NTM: variants seen among roughly 807,000 people sequenced by gnomAD.
The protein encoded by NTM is IgLON family member 2.
In NTM, 13 loss-of-function variants were observed where a neutral mutation model predicts 42.1. The ratio of observed to expected loss-of-function variants is 0.31; its 90% CI spans 0.20 to 0.49. The LOEUF (loss-of-function observed/expected upper bound fraction) is 0.49. Among genes scored for constraint, NTM ranks in the 20% least tolerant of loss-of-function variants. The pLI is 0.99. For missense variants in NTM, 373 were observed against 452.8 expected (o/e 0.82, Z 1.60); for synonymous variants, 187 against 179.2 (o/e 1.04, Z -0.35).
intron 1 of NTM, among the ~76,000 whole-genome samples, chr11:131,407,364 G>C (rs982338189): frequency 2.0e-5 from 3 of 152,178 alleles, no homozygotes; most frequent in African/African-American, 7.2e-5. Context: ...TTGTCAGTTT[G>C]TATACAAGAG....
intron 1 of NTM, among the ~76,000 whole-genome samples, chr11:131,705,797 ATTT>A: frequency 6.6e-6 from 1 of 152,138 alleles, no homozygotes; most frequent in Admixed American, 6.5e-5. Flanking sequence ...ACTATAAGAT[ATTT>A]TATAGAAGCC....
intron 1 of NTM, among the ~76,000 whole-genome samples, chr11:131,900,851 C>A (rs2053055254): frequency 6.6e-6 from 1 of 152,206 alleles, no homozygotes; most frequent in African/African-American, 2.4e-5. Flanking sequence ...AATAACATTT[C>A]TTTCTCGTTC....
At chr11:131,754,755 T>A (rs2135737588) in intron 1 of NTM, among the ~76,000 whole-genome samples, 1 of 152,364 alleles carries the variant, frequency 6.6e-6, no homozygotes, top group East Asian at 1.9e-4. Context: ...AGCAGCTTTA[T>A]TTATATTAGC....
intron 1 of NTM, among the ~76,000 whole-genome samples, chr11:131,497,925 G>T (rs1217206068): frequency 6.6e-6 from 1 of 152,020 alleles, no homozygotes; most frequent in Non-Finnish European, 1.5e-5. Flanking sequence ...TCATACCCTT[G>T]CTCTCTTTAA....
intron 1 of NTM, among the ~76,000 whole-genome samples, chr11:131,529,696 AAG>A (rs2050975462): frequency 6.6e-6 from 1 of 152,212 alleles, no homozygotes; most frequent in South Asian, 2.1e-4. Context: ...GGAAGTGATT[AAG>A]AGAAAAATCA....
intron 1 of NTM, among the ~76,000 whole-genome samples, chr11:131,613,698 C>T (rs1446436062): frequency 6.6e-6 from 1 of 152,142 alleles, no homozygotes; most frequent in Admixed American, 6.5e-5. Context: ...TCCTTACCCA[C>T]TACTGAGAGG....
At chr11:131,691,351 G>A (rs2074675421) in intron 1 of NTM, among the ~76,000 whole-genome samples, 1 of 152,232 alleles carries the variant, frequency 6.6e-6, no homozygotes, top group Non-Finnish European at 1.5e-5. Flanking sequence ...GCGCTGCCCG[G>A]ATGATAAGGC....
rs1466684441 is a variant in NTM at position 132,134,745 on chromosome 11, A to C, written c.168-11537A>C. ...TATATATATATATATATATATATAT[A>C]TATATATATATATATCTCACATTTT... On this transcript the variant is annotated intron_variant, in intron 2 of 8. Transcript: ENST00000683400. Among the ~76,000 whole-genome samples the C allele has an allele frequency of 1.8e-4, 20 of 114,112 alleles. 3 individuals carry two copies. The highest frequency in any genetic ancestry group is 9.0e-4 in the South Asian group (3 of 3,328). The allele number at this position is 114,112 out of a possible 152,430, so 74.9% of individuals were successfully genotyped here. A position where few individuals can be genotyped will look rare whatever the true frequency, so the allele number is the denominator to read the frequency against.
intron 1 of NTM, among the ~76,000 whole-genome samples, chr11:131,802,253 G>A (rs1042451446): frequency 1.3e-5 from 2 of 152,148 alleles, no homozygotes; most frequent in Middle Eastern, 3.2e-3. Context: ...CTCCCATTTA[G>A]AATTAATTCA....
intron 1 of NTM, among the ~76,000 whole-genome samples, chr11:131,642,849 C>G (rs1347827163): frequency 1.3e-5 from 2 of 151,998 alleles, no homozygotes; most frequent in African/African-American, 4.8e-5. Context: ...TTCCTCAGTC[C>G]CCCTCTGCTA....
intron 1 of NTM, among the ~76,000 whole-genome samples, chr11:131,885,980 T>C (rs556941357): frequency 2.0e-5 from 3 of 152,246 alleles, no homozygotes; most frequent in Admixed American, 1.3e-4. Context: ...AGAAAGAAAG[T>C]GGATTAATAC....
At chr11:131,600,179 G>A (rs999443490) in intron 1 of NTM, among the ~76,000 whole-genome samples, 1 of 152,176 alleles carries the variant, frequency 6.6e-6, no homozygotes, top group Non-Finnish European at 1.5e-5. Flanking sequence ...GGGATCTGGG[G>A]TGAGGGTTGT....
chr11:132,045,249 C>A (rs1056658688), intron 2 of NTM, among the ~76,000 whole-genome samples: 1 of 151,992 alleles, frequency 6.6e-6, no homozygotes, highest in African/African-American at 2.4e-5. Context: ...TAAGTGCTGG[C>A]AGTTCTGGGA....
intron 2 of NTM, among the ~76,000 whole-genome samples, chr11:131,991,827 A>G (rs113013987): frequency 2.0e-5 from 3 of 152,328 alleles, no homozygotes; most frequent in African/African-American, 7.2e-5. Context: ...AGGTCCAGGC[A>G]TGCAGGACAA....
chr11:131,816,703 G>A (rs1182674127), intron 1 of NTM, among the ~76,000 whole-genome samples: 2 of 152,068 alleles, frequency 1.3e-5, no homozygotes, highest in Non-Finnish European at 2.9e-5. Context: ...TACCAAATTT[G>A]AGGTTTTAGA....
At chr11:132,313,063 CCT>C (rs1346560636) in intron 6 of NTM, among the ~76,000 whole-genome samples, 2 of 152,140 alleles carry the variant, frequency 1.3e-5, no homozygotes, top group Non-Finnish European at 1.5e-5. Context: ...CCAGAACCTG[CCT>C]CTCTTTTCTG....
intron 2 of NTM, among the ~76,000 whole-genome samples, chr11:132,098,470 A>G (rs745785824): frequency 6.6e-6 from 1 of 152,230 alleles, no homozygotes; most frequent in Non-Finnish European, 1.5e-5. Flanking sequence ...ACCTCTGTGC[A>G]TGCTTCATGG....
Position 131,789,509 on chromosome 11 carries a change from G to GA in NTM, c.83-122053dup, listed in dbSNP as rs1303440835. Among the ~76,000 whole-genome samples, 10 of 13,406 alleles carry GA rather than the reference G, an allele frequency of 7.5e-4. 4 individuals are homozygous for GA. Among genetic ancestry groups the GA allele is most frequent in the Admixed American group, 2.0e-3 (2 of 988 alleles). The allele number at this position is 13,406 out of a possible 152,430, so 8.8% of individuals were successfully genotyped here. Reference sequence around the variant, plus strand: ...GAAGAAGAGGAAAGAAGAAGAAGAAGAAGAAGAAGAAGAAGAAGAAGAAGA... The same window carrying GA: ...GAAGAAGAGGAAAGAAGAAGAAGAAGAAAGAAGAAGAAGAAGAAGAAGAAGA... On this transcript the variant is annotated intron_variant, in intron 1 of 8. Coordinates refer to ENST00000683400, the MANE Select transcript of NTM (RefSeq NM_001352005.2).
chr11:131,582,212 T>C (rs114565685), intron 1 of NTM: 108 of 152,286 alleles, frequency 7.1e-4, no homozygotes, highest in Middle Eastern at 3.4e-3. Context: ...GAGTTTCCTA[T>C]ACTAGTGAAA....
Sources: gnomAD v4.1 joint callset for allele counts (sites outside exome capture counted in the v4.1 genomes callset) on GRCh38, gnomAD v4.1.1 for gene constraint, MANE v1.5 for transcripts, NCBI Gene and HGNC (gene_info 2026-07-23, HGNC 2026-07-21) for gene names.